Variants in COL11A1 observed in about 807,000 individuals in gnomAD.
The protein encoded by COL11A1 is collagen type XI alpha 1 chain.
COL11A1 carries 74 observed loss-of-function variants against 265.2 expected under a neutral mutation model. That is an observed-to-expected ratio of 0.28 (90% CI 0.23 to 0.34). The LOEUF is 0.34. COL11A1 is among the 10% of genes least tolerant of loss of function. COL11A1 has a pLI of 1.00. For synonymous variants in COL11A1, 816 were observed against 727.6 expected (o/e 1.12, Z -1.96); for missense variants, 2,165 against 2,263.6 (o/e 0.96, Z 0.88).
At chr1:103,005,117 G>A (rs2101846818) in intron 18 of COL11A1, among the ~76,000 whole-genome samples, 1 of 152,116 alleles carries the variant, frequency 6.6e-6, no homozygotes, top group Non-Finnish European at 1.5e-5. Context: ...ATACAATTAT[G>A]TCTTGATCTT....
At chr1:103,062,624 T>C (rs1359117601) in intron 4 of COL11A1, among the ~76,000 whole-genome samples, 1 of 152,010 alleles carries the variant, frequency 6.6e-6, no homozygotes, top group Non-Finnish European at 1.5e-5. Flanking sequence ...ACAGCATTCA[T>C]TCATGATTTT....
In COL11A1 at chr1:102,877,708, G is replaced by A. The variant is rs984751697; in HGVS notation, c.*311C>T. 1 of 298,320 alleles carries A rather than the reference G, an allele frequency of 3.4e-6. No individual in the cohort carries two copies. The highest frequency in any genetic ancestry group is 2.2e-5 in the African/African-American group (1 of 45,548). 18.5% of individuals were successfully genotyped at this position (298,320 alleles called of 1,614,324 possible). A position where few individuals can be genotyped will look rare whatever the true frequency, so the allele number is the denominator to read the frequency against. ...TGAGAATGAGCACCATATTTTTTAT[G>A]AATATATATTTTTCTTTTTTTGTTT... On this transcript the variant is annotated 3_prime_UTR_variant, in exon 67 of 67. Transcript: ENST00000370096.
intron 9 of COL11A1, among the ~76,000 whole-genome samples, chr1:103,020,141 T>C (rs1436509467): frequency 9.9e-5 from 15 of 151,996 alleles, no homozygotes; most frequent in African/African-American, 2.4e-4. Flanking sequence ...ATTTCTAGTT[T>C]TAGATCCCTG....
At chr1:102,964,610 G>GTA (rs1491188527) in intron 38 of COL11A1, among the ~76,000 whole-genome samples, 1 of 151,374 alleles carries the variant, frequency 6.6e-6, no homozygotes, top group African/African-American at 2.4e-5. Context: ...GTGTGTGTGT[G>GTA]TATGTGTTTG....
chr1:102,979,841 G>GT (rs1282754464), intron 31 of COL11A1, among the ~76,000 whole-genome samples: 1 of 152,048 alleles, frequency 6.6e-6, no homozygotes, highest in Non-Finnish European at 1.5e-5. Flanking sequence ...TTTAGAAAAT[G>GT]TTTTTCCTGA....
intron 28 of COL11A1, among the ~76,000 whole-genome samples, chr1:102,993,746 C>T (rs1195874303): frequency 6.6e-6 from 1 of 152,094 alleles, no homozygotes; most frequent in Non-Finnish European, 1.5e-5. Context: ...ACTACTTTGC[C>T]CAGGCTGGTC....
rs115389602 is a variant in COL11A1 at position 102,987,362 on chromosome 1, C to T, written c.2502+271G>A. 0.014 allele frequency among the ~76,000 whole-genome samples: 1,700 copies of T among 125,584 alleles called. 31 individuals are homozygous for T. The highest frequency in any genetic ancestry group is 0.042 in the African/African-American group (1,610 of 37,932). The allele number at this position is 125,584 out of a possible 152,430, so 82.4% of individuals were successfully genotyped here. A position where few individuals can be genotyped will look rare whatever the true frequency, so the allele number is the denominator to read the frequency against. On this transcript the variant is annotated intron_variant, in intron 30 of 66. Transcript: ENST00000370096. ...ATAATGTGATAACACTTGTCATAGA[C>T]ATTTCTTGCTTTTTTTTTTTTAAAT...
chr1:102,900,446 G>C (rs1178567918), intron 54 of COL11A1, among the ~76,000 whole-genome samples: 4 of 151,970 alleles, frequency 2.6e-5, no homozygotes, highest in Non-Finnish European at 4.4e-5. Flanking sequence ...CAATAATAAT[G>C]ATTATTATTT....
chr1:103,065,569 CAAACAA>C (rs1391688865), intron 4 of COL11A1, among the ~76,000 whole-genome samples: 1 of 48,352 alleles, frequency 2.1e-5, no homozygotes, highest in African/African-American at 7.4e-5. Context: ...AACAAACAAA[CAAACAA>C]AAAAAATAGC....
rs1422456852 is a variant in COL11A1 at position 103,108,286 on chromosome 1, G to A, written c.-108C>T. ...CAGGGATGTTTGCTACACAGCCATT[G>A]GGGAGGGAGAGGGGGAAAAAGTCAA... On this transcript the variant is annotated 5_prime_UTR_variant, in exon 1 of 67. Transcript: ENST00000370096. 2 of 834,336 alleles carry A rather than the reference G, an allele frequency of 2.4e-6. No individual in the cohort carries two copies. The highest frequency in any genetic ancestry group is 4.1e-6 in the Non-Finnish European group (2 of 489,960). 51.7% of individuals were successfully genotyped at this position (834,336 alleles called of 1,614,324 possible).
intron 4 of COL11A1, among the ~76,000 whole-genome samples, chr1:103,051,433 A>G (rs1483699827): frequency 6.6e-6 from 1 of 152,126 alleles, no homozygotes; most frequent in African/African-American, 2.4e-5. Context: ...CTGGTGTGCC[A>G]TTTTTTAAGC....
Position 102,914,823 on chromosome 1 carries a change from T to TTA in COL11A1, c.3817-13_3817-12insTA, listed in dbSNP as rs2101033312. 1.6e-6 allele frequency: 2 copies of TTA among 1,268,952 alleles called. No homozygotes were observed. Among genetic ancestry groups the TTA allele is most frequent in the East Asian group, 2.6e-5 (1 of 39,084 alleles). 78.6% of individuals were successfully genotyped at this position (1,268,952 alleles called of 1,614,324 possible). A position where few individuals can be genotyped will look rare whatever the true frequency, so the allele number is the denominator to read the frequency against. ...TCTCCTTTGGGACCCTAAACAATGTTAAAAAAAAAAAAAGAAGAAGAAGGA... is the reference window on the plus strand; with the variant it reads ...TCTCCTTTGGGACCCTAAACAATGTTTAAAAAAAAAAAAAAGAAGAAGAAGGA... On this transcript the variant is annotated splice_polypyrimidine_tract_variant and intron_variant, in intron 50 of 66. Coordinates refer to ENST00000370096, the MANE Select transcript of COL11A1 (RefSeq NM_001854.4).
At chr1:103,059,106 A>G (rs1171742274) in intron 4 of COL11A1, among the ~76,000 whole-genome samples, 1 of 152,222 alleles carries the variant, frequency 6.6e-6, no homozygotes. Context: ...CAAGAGCAAT[A>G]TCCACAAAGC....
At position 103,031,319 on chromosome 1, in the gene COL11A1, G is replaced by A. The variant is rs71664967; in HGVS notation, c.652-75C>T. 94,983 of 1,495,926 alleles carry A rather than the reference G, an allele frequency of 0.063. 3,235 individuals are homozygous for A. Among genetic ancestry groups the A allele is most frequent in the African/African-American group, 0.11 (8,159 of 71,266 alleles). The allele number at this position is 1,495,926 out of a possible 1,614,324, so 92.7% of individuals were successfully genotyped here. A position where few individuals can be genotyped will look rare whatever the true frequency, so the allele number is the denominator to read the frequency against. ...TATTAAAGTACACATATACCAAAGC[G>A]AGATGTGGTTTATTTTTAAATATTT... On this transcript the variant is annotated intron_variant, in intron 4 of 66. Coordinates refer to ENST00000370096, the MANE Select transcript of COL11A1 (RefSeq NM_001854.4).
rs748518624 is a variant in COL11A1 at position 102,878,180 on chromosome 1, A to G, written c.5275-15T>C. 6.3e-7 allele frequency: 1 copy of G among 1,599,984 alleles called. No homozygotes were observed. The highest frequency in any genetic ancestry group is 8.5e-7 in the Non-Finnish European group (1 of 1,170,940). On this transcript the variant is annotated splice_polypyrimidine_tract_variant and intron_variant, in intron 66 of 66. Coordinates refer to ENST00000370096, the MANE Select transcript of COL11A1 (RefSeq NM_001854.4). ...CCTTTTCTGGACTGTAAAATAAAGCAGAAATAAAAAGTTATACAATCTTTT... is the reference window on the plus strand; with the variant it reads ...CCTTTTCTGGACTGTAAAATAAAGCGGAAATAAAAAGTTATACAATCTTTT...
intron 4 of COL11A1, among the ~76,000 whole-genome samples, chr1:103,069,433 C>A (rs1671401110): frequency 6.6e-6 from 1 of 151,660 alleles, no homozygotes; most frequent in Admixed American, 6.6e-5. Context: ...GACCCATGTG[C>A]AAATCCTGAA....
In COL11A1 at chr1:102,914,293, A is replaced by G. The variant is rs571615199; in HGVS notation, c.3978+59T>C. 23 of 1,328,932 alleles carry G rather than the reference A, an allele frequency of 1.7e-5. No individual in the cohort carries two copies. In the South Asian group the frequency reaches 2.1e-4, roughly 12 times the overall value. 82.3% of individuals were successfully genotyped at this position (1,328,932 alleles called of 1,614,324 possible). On this transcript the variant is annotated intron_variant, in intron 52 of 66. Transcript: ENST00000370096. ...TTAGATTTTTTTTTCTTTATTAACA[A>G]TACAGAAATTGGAAACATTCACTCC...
chr1:102,970,083 A>T, intron 37 of COL11A1, 136 bp downstream of exon 37: 1 of 529,286 alleles, frequency 1.9e-6, no homozygotes, highest in Non-Finnish European at 3.4e-6. Context: ...TATTTCAATA[A>T]AAGGCTTAAT....
In COL11A1 at chr1:102,881,755, G is replaced by T; in HGVS notation, c.4982C>A (p.Ser1661Ter). 1 of 1,612,470 alleles carries T rather than the reference G, an allele frequency of 6.2e-7. No individual in the cohort carries two copies. The highest frequency in any genetic ancestry group is 8.5e-7 in the Non-Finnish European group (1 of 1,179,080). Residue 1661 changes from serine (S) to a stop codon, truncating the protein, a stop_gained, in exon 65 of 67, where the codon TCA (serine) becomes TAA (stop). Transcript: ENST00000370096. LOFTEE classifies it high-confidence loss of function. Reference protein sequence around the residue: ...PDKKSEGVRISSWPKEKPGSW... With the variant: ...PDKKSEGVRI ...TCCTGGTTTCTCCTTTGGCCATGAT[G>T]AAATTCTTACCTGTTGCAAAGGAAC...
Sources: allele counts gnomAD v4.1 joint callset (sites outside exome capture counted in the v4.1 genomes callset), GRCh38; gene constraint gnomAD v4.1.1; transcripts MANE v1.5; gene names NCBI Gene and HGNC (gene_info 2026-07-23, HGNC 2026-07-21).